Variants in LMBRD1 observed in about 807,000 individuals in gnomAD.
The protein encoded by LMBRD1 is LMBR1 domain containing 1.
Under a neutral mutation model 74.8 loss-of-function variants are expected in LMBRD1, and 64 were observed. The observed-to-expected ratio is 0.86, with a 90% CI of 0.70 to 1.05. The LOEUF (loss-of-function observed/expected upper bound fraction) is 1.05. Among genes scored for constraint, LMBRD1 ranks in the 50% least tolerant of loss-of-function variants. LMBRD1 has a pLI of 0.00. For missense variants in LMBRD1, 652 were observed against 645.9 expected (o/e 1.01, Z -0.10); for synonymous variants, 204 against 216.3 (o/e 0.94, Z 0.50).
rs1294397038 is a variant in LMBRD1 at position 69,734,904 on chromosome 6, G to A, written c.636+3038C>T. 6.6e-5 allele frequency among the ~76,000 whole-genome samples: 10 copies of A among 152,290 alleles called. No homozygotes were observed. The South Asian group carries it at 1.0e-3, about 16-fold the overall frequency. On this transcript the variant is annotated intron_variant, in intron 7 of 15. Transcript: ENST00000649934. The stretch of plus-strand genomic sequence containing the variant: ...AACTTTTGGTGAATTAGTGAGTGAC[G>A]ATGGTTGTGGTCATAGTGGGTTAAA...
At chr6:69,755,588 T>TAA (rs75543340) in intron 3 of LMBRD1, among the ~76,000 whole-genome samples, 3,164 of 132,810 alleles carry the variant, frequency 0.024, 121 homozygotes, top group African/African-American at 0.073. Flanking sequence ...TCCCAGAACT[T>TAA]AAAAAAAAAA....
At chr6:69,788,078 A>G (rs1765996155) in intron 2 of LMBRD1, among the ~76,000 whole-genome samples, 1 of 152,170 alleles carries the variant, frequency 6.6e-6, no homozygotes, top group South Asian at 2.1e-4. Context: ...GCTCAAAACA[A>G]TACTTAATCT....
intron 3 of LMBRD1, 36 bp from the exon 4 acceptor site, chr6:69,752,392 T>C: frequency 6.7e-7 from 1 of 1,501,412 alleles, no homozygotes; most frequent in Non-Finnish European, 9.3e-7. Context: ...CTTTACTAAA[T>C]ACATATGTAC....
At chr6:69,700,466 G>C (rs752662060) in intron 12 of LMBRD1, among the ~76,000 whole-genome samples, 4 of 151,696 alleles carry the variant, frequency 2.6e-5, no homozygotes, top group Admixed American at 6.6e-5. Flanking sequence ...TGCACTACAG[G>C]ATTTTTAATA....
In LMBRD1 at chr6:69,752,283, A is replaced by T. The variant is rs753227186; in HGVS notation, c.381T>A (p.Asp127Glu). ...CAGTACATTTACTAGTATCATCATC[A>T]TCCTTTTCTTCATAATAGAAGTAGA... is the stretch of plus-strand genomic sequence containing the variant. ...PFVYFYYEEK[D>E]DDDTSKCTQI... The change falls in exon 4 of 16, where the codon GAT becomes GAA. Residue 127 changes from aspartate (D) to glutamate (E), a missense_variant. Asp to Glu is a conservative substitution (Grantham distance 45). This residue lies in a region of LMBRD1 where 598 missense variants were observed against 581.8 expected (regional missense o/e 1.03). Transcript: ENST00000649934. 6.2e-7 allele frequency: 1 copy of T among 1,610,698 alleles called. No individual in the cohort carries two copies. Among genetic ancestry groups the T allele is most frequent in the Non-Finnish European group, 8.5e-7 (1 of 1,177,360 alleles).
chr6:69,699,873 T>A (rs1766088963), intron 12 of LMBRD1, among the ~76,000 whole-genome samples: 2 of 151,862 alleles, frequency 1.3e-5, no homozygotes, highest in Admixed American at 6.6e-5. Flanking sequence ...CATTCATAAA[T>A]TTACATTTCC....
chr6:69,793,936 G>C (rs927834019), intron 1 of LMBRD1, among the ~76,000 whole-genome samples: 3 of 151,816 alleles, frequency 2.0e-5, no homozygotes, highest in Non-Finnish European at 2.9e-5. Context: ...GCCCAGGCTG[G>C]TCTCAACTCC....
intron 7 of LMBRD1, among the ~76,000 whole-genome samples, chr6:69,721,423 T>C (rs1490269466): frequency 6.6e-6 from 1 of 151,954 alleles, no homozygotes; most frequent in East Asian, 1.9e-4. Context: ...TGTGCCAGAG[T>C]CGTCAGGCCC....
chr6:69,713,746 A>T lies in LMBRD1; in HGVS notation c.814T>A (p.Phe272Ile). The T allele has an allele frequency of 6.2e-7, 1 of 1,613,686 alleles. No individual in the cohort carries two copies. The highest frequency in any genetic ancestry group is 2.2e-5 in the East Asian group (1 of 44,856). Residue 272 changes from phenylalanine (F) to isoleucine (I), a missense_variant, in exon 9 of 16, where the codon TTT becomes ATT. Physicochemically the swap from Phe to Ile is conservative, Grantham distance 21. This residue lies in a region of LMBRD1 where 598 missense variants were observed against 581.8 expected (regional missense o/e 1.03). Coordinates refer to ENST00000649934, the MANE Select transcript of LMBRD1 (RefSeq NM_018368.4). Reference protein sequence around the residue: ...PARDKRALKQFEERLRTLKKR... With the variant: ...PARDKRALKQIEERLRTLKKR... ...TTAAGTGTTCGTAACCTTTCTTCAAATTGTTTTAAGGCGCGTTTATCCCTT... is the reference window on the plus strand; with the variant it reads ...TTAAGTGTTCGTAACCTTTCTTCAATTTGTTTTAAGGCGCGTTTATCCCTT...
chr6:69,689,244 A>T (rs1562084507), intron 14 of LMBRD1, among the ~76,000 whole-genome samples: 2 of 152,114 alleles, frequency 1.3e-5, no homozygotes, highest in Non-Finnish European at 2.9e-5. Context: ...GACAGTTAAA[A>T]AATAAGAAAA....
chr6:69,780,657 C>A, intron 2 of LMBRD1, 103 bp from the exon 3 acceptor site: 1 of 835,608 alleles, frequency 1.2e-6, no homozygotes, highest in Non-Finnish European at 2.0e-6. Context: ...AAAATCTATC[C>A]ACCCACATAA....
At chr6:69,737,060 T>A (rs1253128475) in intron 7 of LMBRD1, among the ~76,000 whole-genome samples, 2 of 152,186 alleles carry the variant, frequency 1.3e-5, no homozygotes. Flanking sequence ...GGCACGTGAA[T>A]GATCATGTGA....
At chr6:69,709,258 AT>A (rs1485295658) in intron 9 of LMBRD1, among the ~76,000 whole-genome samples, 2 of 152,020 alleles carry the variant, frequency 1.3e-5, no homozygotes, top group Non-Finnish European at 2.9e-5. Context: ...GAAAAGAAAC[AT>A]TAATTGAAAA....
intron 2 of LMBRD1, among the ~76,000 whole-genome samples, chr6:69,782,903 C>T (rs570889760): frequency 6.6e-6 from 1 of 152,010 alleles, no homozygotes; most frequent in Admixed American, 6.5e-5. Context: ...GGTGTAGGGT[C>T]GTTTAAAATA....
At chr6:69,731,113 C>T (rs763002054) in intron 7 of LMBRD1, among the ~76,000 whole-genome samples, 1 of 152,054 alleles carries the variant, frequency 6.6e-6, no homozygotes, top group Non-Finnish European at 1.5e-5. Flanking sequence ...TTTCACCTAA[C>T]ACAGTGACTA....
At chr6:69,752,119 CTTTT>C (rs1240324584) in intron 4 of LMBRD1, 136 bp downstream of exon 4, 2 of 750,330 alleles carry the variant, frequency 2.7e-6, no homozygotes, top group African/African-American at 3.5e-5. Context: ...TCAACTGTTT[CTTTT>C]TATTTTAATT....
intron 3 of LMBRD1, among the ~76,000 whole-genome samples, chr6:69,763,126 G>A (rs1051608453): frequency 6.6e-6 from 1 of 151,858 alleles, no homozygotes; most frequent in African/African-American, 2.4e-5. Context: ...TTTGTGGAAG[G>A]CAAAGTTTGC....
intron 9 of LMBRD1, among the ~76,000 whole-genome samples, chr6:69,709,078 T>C (rs144639500): frequency 0.08 from 12,218 of 151,832 alleles, 645 homozygotes; most frequent in Admixed American, 0.15. Context: ...CTACTAAAAA[T>C]ACAAAATTAG....
At chr6:69,726,984 T>C (rs762544234) in intron 7 of LMBRD1, among the ~76,000 whole-genome samples, 4 of 151,944 alleles carry the variant, frequency 2.6e-5, no homozygotes, top group African/African-American at 4.8e-5. Flanking sequence ...TGAAATCCCA[T>C]CTCTACTAAA....
Sources: gnomAD v4.1 joint callset for allele counts (sites outside exome capture counted in the v4.1 genomes callset) on GRCh38, gnomAD v4.1.1 for gene constraint, gnomAD v4.1.1 regional missense constraint, MANE v1.5 for transcripts, NCBI Gene and HGNC (gene_info 2026-07-23, HGNC 2026-07-21) for gene names.